EEF1AKMT1: variants seen among roughly 807,000 people sequenced by gnomAD.
The protein encoded by EEF1AKMT1 is N-6 adenine-specific DNA methyltransferase 2 (putative).
Under a neutral mutation model 21.0 loss-of-function variants are expected in EEF1AKMT1, and 18 were observed. That is an observed-to-expected ratio of 0.86 (90% confidence interval 0.59 to 1.27). The LOEUF is 1.27. Ranked by LOEUF, EEF1AKMT1 falls within the 50% of genes most tolerant of loss-of-function variation. The pLI is 0.00. For synonymous variants in EEF1AKMT1, 109 were observed against 94.8 expected (o/e 1.15, Z -0.87); for missense variants, 246 against 258.6 (o/e 0.95, Z 0.33).
intron 1 of EEF1AKMT1, among the ~76,000 whole-genome samples, chr13:20,763,737 G>A (rs550081568): frequency 4.6e-5 from 7 of 152,288 alleles, no homozygotes; most frequent in African/African-American, 1.4e-4. Flanking sequence ...ACAGGCATGA[G>A]CCACCATGCC....
At chr13:20,737,241 G>C (rs1204852728) in intron 3 of EEF1AKMT1, among the ~76,000 whole-genome samples, 1 of 152,078 alleles carries the variant, frequency 6.6e-6, no homozygotes, top group African/African-American at 2.4e-5. Context: ...GTGTGTGCCT[G>C]TAGTCCCAGC....
intron 2 of EEF1AKMT1, among the ~76,000 whole-genome samples, chr13:20,740,735 G>C (rs554997073): frequency 2.0e-5 from 3 of 151,652 alleles, no homozygotes; most frequent in Non-Finnish European, 2.9e-5. Flanking sequence ...CCTGGGAGGC[G>C]GAGGTTGCAG....
chr13:20,735,323 C>T (rs1441418883), intron 3 of EEF1AKMT1, among the ~76,000 whole-genome samples: 1 of 47,238 alleles, frequency 2.1e-5, no homozygotes, highest in African/African-American at 5.9e-5. Flanking sequence ...TATCCCAAAG[C>T]CTGCCCCCCA....
intron 3 of EEF1AKMT1, among the ~76,000 whole-genome samples, chr13:20,735,676 C>T (rs778964620): frequency 6.6e-6 from 1 of 152,134 alleles, no homozygotes; most frequent in African/African-American, 2.4e-5. Context: ...GAGTGCCCCA[C>T]CCTTCAATGT....
At chr13:20,750,164 G>T (rs191165862) in intron 2 of EEF1AKMT1, among the ~76,000 whole-genome samples, 100 of 152,212 alleles carry the variant, frequency 6.6e-4, no homozygotes, top group Non-Finnish European at 6.9e-4. Context: ...GGTACTTAGG[G>T]TATCCATCAC....
intron 3 of EEF1AKMT1, among the ~76,000 whole-genome samples, chr13:20,732,340 C>CT (rs1008526380): frequency 1.2e-4 from 18 of 151,178 alleles, no homozygotes; most frequent in East Asian, 3.9e-4. Flanking sequence ...AATTTTTTTT[C>CT]TTTTTTTTTG....
chr13:20,750,375 A>G (rs913026315), intron 2 of EEF1AKMT1, among the ~76,000 whole-genome samples: 2 of 152,076 alleles, frequency 1.3e-5, no homozygotes, highest in African/African-American at 4.8e-5. Flanking sequence ...AGCCTCTGGT[A>G]TCTATCATTC....
chr13:20,757,315 G>C (rs1021256541), intron 2 of EEF1AKMT1, 140 bp downstream of exon 2: 20 of 905,346 alleles, frequency 2.2e-5, no homozygotes, highest in Non-Finnish European at 3.2e-5. Flanking sequence ...TTCTGTCTTA[G>C]CTCCCCATAG....
intron 2 of EEF1AKMT1, among the ~76,000 whole-genome samples, chr13:20,739,526 A>C (rs1355440493): frequency 2.6e-5 from 4 of 152,054 alleles, no homozygotes; most frequent in Non-Finnish European, 4.4e-5. Flanking sequence ...TGCATTTACA[A>C]ACCTTGAGCT....
intron 1 of EEF1AKMT1, among the ~76,000 whole-genome samples, chr13:20,765,405 G>GTTTTTTTTTTTTTTTTT (rs1171165259): frequency 6.8e-5 from 4 of 58,700 alleles, no homozygotes; most frequent in African/African-American, 1.5e-4. Flanking sequence ...CTTCCCTTGG[G>GTTTTTTTTTTTTTTTTT]TTTTTTTTTT....
intron 2 of EEF1AKMT1, among the ~76,000 whole-genome samples, chr13:20,748,726 G>GTTTTTTTTTTTTTTTTTTTTTTTTTT (rs750094631): frequency 2.8e-5 from 2 of 72,614 alleles, no homozygotes; most frequent in African/African-American, 6.3e-5. Flanking sequence ...TTTTTTTTTG[G>GTTTTTTTTTTTTTTTTTTTTTTTTTT]TTTTTTTTTT....
chr13:20,743,487 C>G (rs1308162407), intron 2 of EEF1AKMT1, among the ~76,000 whole-genome samples: 1 of 151,262 alleles, frequency 6.6e-6, no homozygotes, highest in Admixed American at 6.6e-5. Context: ...CAATTTACAT[C>G]TGTCACTTTC....
At chr13:20,741,146 A>G (rs982364314) in intron 2 of EEF1AKMT1, among the ~76,000 whole-genome samples, 4 of 151,880 alleles carry the variant, frequency 2.6e-5, no homozygotes, top group African/African-American at 9.7e-5. Context: ...GGATATGATC[A>G]GAAGAAGGGG....
intron 4 of EEF1AKMT1, among the ~76,000 whole-genome samples, chr13:20,731,339 C>T (rs1445181113): frequency 6.6e-6 from 1 of 152,178 alleles, no homozygotes; most frequent in Non-Finnish European, 1.5e-5. Context: ...GTGGCACACA[C>T]CTGTAAGTTC....
intron 1 of EEF1AKMT1, among the ~76,000 whole-genome samples, chr13:20,763,051 T>C (rs561590963): frequency 4.5e-4 from 68 of 152,340 alleles, no homozygotes; most frequent in African/African-American, 1.3e-3. Flanking sequence ...TATTTACTAA[T>C]ATTTTGCTGA....
chr13:20,729,147 G>C lies in EEF1AKMT1; in HGVS notation c.578C>G (p.Thr193Ser), dbSNP rs11549810. The C allele has an allele frequency of 1.2e-6, 2 of 1,614,154 alleles. No homozygotes were observed. The highest frequency in any genetic ancestry group is 1.7e-5 in the Admixed American group (1 of 60,022). ...VKMCTFVPRH[T>S]RNLANEFRCY... ...GCGAAACTCATTTGCCAAGTTCCGGGTGTGTCTTGGAACAAACGTGCACAT... is the reference window on the plus strand; with the variant it reads ...GCGAAACTCATTTGCCAAGTTCCGGCTGTGTCTTGGAACAAACGTGCACAT... Residue 193 changes from threonine (T) to serine (S), a missense_variant, in exon 5 of 5, where the codon ACC becomes AGC. Thr to Ser is a moderately conservative substitution (Grantham distance 58, BLOSUM62 1). Coordinates refer to ENST00000382758, the MANE Select transcript of EEF1AKMT1 (RefSeq NM_001318939.2).
chr13:20,741,149 A>C (rs926882559), intron 2 of EEF1AKMT1, among the ~76,000 whole-genome samples: 1 of 151,848 alleles, frequency 6.6e-6, no homozygotes, highest in African/African-American at 2.4e-5. Context: ...TATGATCAGA[A>C]GAAGGGGAAG....
intron 1 of EEF1AKMT1, among the ~76,000 whole-genome samples, chr13:20,759,956 T>A (rs2058991811): frequency 1.3e-5 from 2 of 151,600 alleles, no homozygotes; most frequent in African/African-American, 2.4e-5. Context: ...TACAAAAAAA[T>A]TAGCCGGGTG....
chr13:20,764,946 G>A lies in EEF1AKMT1; in HGVS notation c.-19-7329C>T, dbSNP rs149737760. On this transcript the variant is annotated intron_variant, in intron 1 of 4. Transcript: ENST00000382758. ...TAATTTTGAAGTGAGTTTCTTGTGG[G>A]CAGCATATAGTTTTCGTCTAAAAAA... Among the ~76,000 whole-genome samples, 372 of 149,984 alleles carry A rather than the reference G, an allele frequency of 2.5e-3. 3 individuals are homozygous for A. Among genetic ancestry groups the A allele is most frequent in the Middle Eastern group, 6.8e-3 (2 of 292 alleles).
Sources: gnomAD v4.1 joint callset for allele counts (sites outside exome capture counted in the v4.1 genomes callset) on GRCh38, gnomAD v4.1.1 for gene constraint, MANE v1.5 for transcripts, NCBI Gene and HGNC (gene_info 2026-07-23, HGNC 2026-07-21) for gene names.